The following STARD13 variants were observed in gnomAD, a reference collection of about 807,000 sequenced individuals.
STARD13 encodes the protein stAR-related lipid transfer protein 13.
In STARD13, 62 loss-of-function variants were observed where a neutral mutation model predicts 106.4. The observed-to-expected ratio is 0.58, with a 90% CI of 0.48 to 0.72. The LOEUF (loss-of-function observed/expected upper bound fraction) is 0.72. Ranked by LOEUF, STARD13 falls within the 30% of genes least tolerant of loss-of-function variation. STARD13 has a pLI of 0.00. For missense variants in STARD13, 1,387 were observed against 1,424.0 expected (o/e 0.97, Z 0.42); for synonymous variants, 565 against 553.0 (o/e 1.02, Z -0.31).
At chr13:33,249,992 C>T (rs1464109198) in intron 1 of STARD13, among the ~76,000 whole-genome samples, 5 of 152,024 alleles carry the variant, frequency 3.3e-5, no homozygotes, top group Non-Finnish European at 5.9e-5. Flanking sequence ...GGTCTCACTA[C>T]GTTGCTCAGG....
chr13:33,657,496 G>C, the STARD13 span: 2 of 152,210 alleles, frequency 1.3e-5, no homozygotes, highest in Non-Finnish European at 2.9e-5. Flanking sequence ...AGAGGACTTA[G>C]TCTGGTCTCT....
rs980749967 is a variant in STARD13 at position 33,321,205 on chromosome 13, G to T, written c.124+29085C>A. 5.3e-5 allele frequency among the ~76,000 whole-genome samples: 8 copies of T among 151,954 alleles called. No individual in the cohort carries two copies. The South Asian group carries it at 8.3e-4, about 16-fold the overall frequency. ...CCTGATTTCTGTAATTTCTATTAAT[G>T]AATAATAATAATAAATAGGCCAGGT... On this transcript the variant is annotated intron_variant, in intron 1 of 5. Transcript: ENST00000567873.
intron 1 of STARD13, among the ~76,000 whole-genome samples, chr13:33,198,276 A>G (rs1465850906): frequency 2.0e-5 from 3 of 152,218 alleles, no homozygotes; most frequent in Non-Finnish European, 4.4e-5. Context: ...AACCAAGCCC[A>G]CAGTCACTAA....
chr13:33,540,283 C>T, the STARD13 span, among the ~76,000 whole-genome samples: 3 of 152,188 alleles, frequency 2.0e-5, no homozygotes, highest in Non-Finnish European at 4.4e-5. Context: ...TTCCTTAAGT[C>T]GAGAACTTTC....
chr13:33,333,712 CAGTT>C (rs1455365380), intron 1 of STARD13: 5 of 152,194 alleles, frequency 3.3e-5, no homozygotes, highest in Admixed American at 2.6e-4. Flanking sequence ...GTCACTGAGT[CAGTT>C]AGGCTGCCAA....
the STARD13 span, among the ~76,000 whole-genome samples, chr13:33,544,770 CTTTTTTTTT>C: frequency 9.2e-6 from 1 of 108,714 alleles, no homozygotes; most frequent in South Asian, 2.9e-4. Flanking sequence ...TGTTTTTTCT[CTTTTTTTTT>C]TTTTTTTTTT....
At chr13:33,394,588 T>A in the STARD13 span, among the ~76,000 whole-genome samples, 1 of 152,274 alleles carries the variant, frequency 6.6e-6, no homozygotes, top group African/African-American at 2.4e-5. Flanking sequence ...TTTACGAGGA[T>A]GTTTAGAGTA....
the STARD13 span, among the ~76,000 whole-genome samples, chr13:33,481,675 C>T: frequency 2.0e-5 from 3 of 151,940 alleles, no homozygotes; most frequent in Non-Finnish European, 2.9e-5. Context: ...TAGTCAAATC[C>T]ATAAATTAAA....
chr13:33,310,950 G>T (rs1893108519), intron 1 of STARD13, among the ~76,000 whole-genome samples: 1 of 151,994 alleles, frequency 6.6e-6, no homozygotes, highest in Admixed American at 6.6e-5. Flanking sequence ...CCAATGGTAA[G>T]TATTTGTGTA....
the STARD13 span, among the ~76,000 whole-genome samples, chr13:33,411,868 A>T: frequency 6.6e-6 from 1 of 152,346 alleles, no homozygotes; most frequent in South Asian, 2.1e-4. Flanking sequence ...ATCAGCAAAA[A>T]TATTATTCAG....
chr13:33,672,401 A>G, the STARD13 span, among the ~76,000 whole-genome samples: 1 of 152,266 alleles, frequency 6.6e-6, no homozygotes, highest in South Asian at 2.1e-4. Context: ...CATTAGGACA[A>G]ACACCTAATG....
intron 1 of STARD13, chr13:33,277,928 T>G (rs1174439286): frequency 6.6e-6 from 1 of 152,194 alleles, no homozygotes; most frequent in Non-Finnish European, 1.5e-5. Context: ...TTTAAAGTAT[T>G]TGTGGCTGGC....
intron 1 of STARD13, among the ~76,000 whole-genome samples, chr13:33,174,967 C>T (rs1317871480): frequency 6.6e-6 from 1 of 152,090 alleles, no homozygotes; most frequent in Non-Finnish European, 1.5e-5. Flanking sequence ...ATTTGCACCA[C>T]AGAAAATCAA....
chr13:33,273,891 T>G (rs915498690), intron 1 of STARD13: 4 of 152,164 alleles, frequency 2.6e-5, no homozygotes, highest in Non-Finnish European at 5.9e-5. Context: ...AGAGTTGAAA[T>G]TTTTTTAAAT....
chr13:33,513,556 T>C, the STARD13 span, among the ~76,000 whole-genome samples: 1 of 152,168 alleles, frequency 6.6e-6, no homozygotes, highest in Non-Finnish European at 1.5e-5. Context: ...AAAAAGGAAG[T>C]GAGTGCTGAC....
intron 1 of STARD13, among the ~76,000 whole-genome samples, chr13:33,177,174 C>T (rs539721468): frequency 9.2e-5 from 14 of 152,280 alleles, no homozygotes; most frequent in Admixed American, 3.3e-4. Flanking sequence ...GTCAGTATGA[C>T]GGTCTTGGCT....
chr13:33,429,949 G>C, the STARD13 span, among the ~76,000 whole-genome samples: 1 of 148,186 alleles, frequency 6.7e-6, no homozygotes, highest in African/African-American at 2.6e-5. Context: ...ACGGAGTCTC[G>C]CTCTGTTGCC....
the STARD13 span, among the ~76,000 whole-genome samples, chr13:33,373,772 A>T: frequency 1.2e-5 from 1 of 84,746 alleles, no homozygotes; most frequent in Non-Finnish European, 2.4e-5. Context: ...GGACACTATT[A>T]AAAAAAAAAC....
At chr13:33,574,504 G>T in the STARD13 span, among the ~76,000 whole-genome samples, 2 of 152,172 alleles carry the variant, frequency 1.3e-5, no homozygotes, top group South Asian at 4.1e-4. Context: ...GGGAGGCCCA[G>T]GTGGGAGGAT....
Sources: allele counts gnomAD v4.1 joint callset (sites outside exome capture counted in the v4.1 genomes callset), GRCh38; gene constraint gnomAD v4.1.1; transcripts MANE v1.5; gene names NCBI Gene and HGNC (gene_info 2026-07-23, HGNC 2026-07-21).